The following DOCK3 variants were observed in gnomAD, a reference collection of about 807,000 sequenced individuals.
DOCK3 encodes dedicator of cytokinesis 3.
A neutral mutation model predicts 265.6 loss-of-function variants in DOCK3; 60 were observed. The ratio of observed to expected loss-of-function variants is 0.23; its 90% CI spans 0.18 to 0.28. The LOEUF is 0.28. DOCK3 is among the 10% of genes least tolerant of loss of function. The probability of loss-of-function intolerance (pLI) is 1.00; values close to 1 mark genes in which losing one functional copy is unlikely to be tolerated. For missense variants in DOCK3, 1,981 were observed against 2,594.3 expected (o/e 0.76, Z 5.14); for synonymous variants, 881 against 938.0 (o/e 0.94, Z 1.11).
chr3:51,328,829 A>C (rs1005806729), intron 32 of DOCK3, among the ~76,000 whole-genome samples: 2 of 152,214 alleles, frequency 1.3e-5, no homozygotes, highest in African/African-American at 4.8e-5. Context: ...ATATGAAATA[A>C]TAAATAATAT....
chr3:50,906,358 C>G (rs2049499054), intron 4 of DOCK3, among the ~76,000 whole-genome samples: 1 of 151,930 alleles, frequency 6.6e-6, no homozygotes, highest in Non-Finnish European at 1.5e-5. Flanking sequence ...CTCCTTGTAC[C>G]TCTGGTCAAA....
intron 2 of DOCK3, among the ~76,000 whole-genome samples, chr3:50,779,092 T>C (rs575582694): frequency 2.0e-4 from 31 of 152,252 alleles, no homozygotes; most frequent in African/African-American, 6.5e-4. Flanking sequence ...GCATTTACCT[T>C]TTTTTGTGTT....
rs551363818 is a variant in DOCK3, at chr3:51,345,432, G to A, written c.3916-3420G>A. 1.9e-4 allele frequency among the ~76,000 whole-genome samples: 29 copies of A among 152,226 alleles called. 1 individual carries two copies. In the South Asian group the frequency reaches 5.2e-3, roughly 27 times the overall value. On this transcript the variant is annotated intron_variant, in intron 38 of 52. Coordinates refer to ENST00000266037, the MANE Select transcript of DOCK3 (RefSeq NM_004947.5). ...TTGAGACCAGCCGAGGTAACATAGC[G>A]AGACCCCATCTCTATAAAATATTTT... is the stretch of plus-strand genomic sequence containing the variant.
chr3:51,355,974 CT>C, intron 41 of DOCK3, 114 bp from the exon 42 acceptor site: 6 of 1,320,674 alleles, frequency 4.5e-6, no homozygotes, highest in Non-Finnish European at 6.3e-6. Context: ...CCCTACTGGG[CT>C]GTCAGTAAGG....
intron 32 of DOCK3, among the ~76,000 whole-genome samples, chr3:51,328,567 C>G (rs948967400): frequency 2.0e-5 from 3 of 150,626 alleles, no homozygotes; most frequent in African/African-American, 7.3e-5. Flanking sequence ...TCAAGCAACT[C>G]ACTCATCCCT....
rs560879643 is a variant in DOCK3 at position 50,894,260 on chromosome 3, C to T, written c.218+4179C>T. Among the ~76,000 whole-genome samples, 21 of 152,114 alleles carry T rather than the reference C, an allele frequency of 1.4e-4. No homozygotes were observed. The South Asian group carries it at 3.9e-3, about 29-fold the overall frequency. Reference sequence around the variant, plus strand: ...ATATAAGAGAGCCTCCATAAATCTGCTATCAGCAGATTTCTCCGCCAAAAC... The same window carrying T: ...ATATAAGAGAGCCTCCATAAATCTGTTATCAGCAGATTTCTCCGCCAAAAC... On this transcript the variant is annotated intron_variant, in intron 4 of 52. Transcript: ENST00000266037.
intron 3 of DOCK3, among the ~76,000 whole-genome samples, chr3:50,883,010 T>C (rs1440714393): frequency 6.6e-6 from 1 of 152,026 alleles, no homozygotes; most frequent in African/African-American, 2.4e-5. Context: ...AGCAAACTAT[T>C]GCAAGGACAG....
At chr3:50,997,587 A>G (rs1260355464) in intron 5 of DOCK3, among the ~76,000 whole-genome samples, 1 of 152,218 alleles carries the variant, frequency 6.6e-6, no homozygotes. Context: ...AGAAAGAAAT[A>G]CACTAAAATG....
intron 7 of DOCK3, among the ~76,000 whole-genome samples, chr3:51,081,578 T>C (rs1032518438): frequency 6.6e-6 from 1 of 152,124 alleles, no homozygotes; most frequent in Non-Finnish European, 1.5e-5. Context: ...AGATGATGAA[T>C]ACACAGATAT....
rs754304384 is a variant in DOCK3, at chr3:51,146,554, G to A, written c.752G>A (p.Arg251Gln). The change falls in exon 10 of 53, where the codon CGG (arginine) becomes CAG (glutamine). Residue 251 changes from arginine (R) to glutamine (Q), a missense_variant. Physicochemically the swap from Arg to Gln is conservative, Grantham distance 43 (BLOSUM62 1). Around this residue, in one of 4 missense-constraint regions of DOCK3, gnomAD observed 456 missense variants for 539.0 expected, o/e 0.85. Coordinates refer to ENST00000266037, the MANE Select transcript of DOCK3 (RefSeq NM_004947.5). ...DMREGKQISE[R>Q]FLVRLNKNGG... ...CTTTCTTTCCTACATTTCAGTGAGC[G>A]GTTTCTGGTAAGACTGAACAAGAAT... 4 of 1,592,956 alleles carry A rather than the reference G, an allele frequency of 2.5e-6. No individual in the cohort carries two copies. The highest frequency in any genetic ancestry group is 3.4e-6 in the Non-Finnish European group (4 of 1,169,046).
chr3:50,936,874 A>G (rs1204465889), intron 5 of DOCK3, among the ~76,000 whole-genome samples: 2 of 152,236 alleles, frequency 1.3e-5, no homozygotes, highest in Non-Finnish European at 2.9e-5. Flanking sequence ...GAAGAAAGCA[A>G]TGGAAAGGGT....
At chr3:51,046,527 TA>T (rs1323239164) in intron 5 of DOCK3, among the ~76,000 whole-genome samples, 4 of 152,164 alleles carry the variant, frequency 2.6e-5, no homozygotes, top group Non-Finnish European at 5.9e-5. Flanking sequence ...TGAATCAATT[TA>T]ACAGGAAGAT....
chr3:50,758,193 AAAAG>A lies in DOCK3; in HGVS notation c.38-20478_38-20475del, dbSNP rs1160431108. Among the ~76,000 whole-genome samples, 118 of 121,472 alleles carry A rather than the reference AAAAG, an allele frequency of 9.7e-4. 5 individuals carry two copies. Among genetic ancestry groups the A allele is most frequent in the African/African-American group, 1.5e-3 (53 of 36,462 alleles). 79.7% of individuals were successfully genotyped at this position (121,472 alleles called of 152,430 possible). ...ACTCTGTCTCAAAAAAAAAAAAAAAAAAAGAAAAAAAAAAAGAAAATTAATTGGA... is the reference window on the plus strand; with the variant it reads ...ACTCTGTCTCAAAAAAAAAAAAAAAAAAAAAAAAAAAGAAAATTAATTGGA... On this transcript the variant is annotated intron_variant, in intron 1 of 52. Coordinates refer to ENST00000266037, the MANE Select transcript of DOCK3 (RefSeq NM_004947.5).
chr3:51,299,218 T>C (rs2082253806), intron 27 of DOCK3, among the ~76,000 whole-genome samples: 1 of 152,250 alleles, frequency 6.6e-6, no homozygotes, highest in South Asian at 2.1e-4. Context: ...GTAAGTGTCT[T>C]CTTTTGAGAA....
chr3:50,886,411 T>A (rs936603839), intron 3 of DOCK3, among the ~76,000 whole-genome samples: 6 of 151,868 alleles, frequency 4.0e-5, no homozygotes, highest in Admixed American at 6.6e-5. Flanking sequence ...TTTTAAAAAA[T>A]TTTATTATTA....
At chr3:50,705,530 C>T (rs774553192) in intron 1 of DOCK3, among the ~76,000 whole-genome samples, 2 of 152,178 alleles carry the variant, frequency 1.3e-5, no homozygotes, top group Non-Finnish European at 2.9e-5. Flanking sequence ...GTTCTCCTGC[C>T]TCAGCCTCCC....
chr3:51,016,807 TTATA>T (rs1308196237), intron 5 of DOCK3, among the ~76,000 whole-genome samples: 4 of 22,596 alleles, frequency 1.8e-4, no homozygotes, highest in Admixed American at 6.4e-4. Context: ...TGATATATGT[TTATA>T]TATATCATAT....
chr3:51,359,648 A>C lies in DOCK3; in HGVS notation c.4885-863A>C, dbSNP rs1223153809. ...GGAGGTTCTCTGCCATGTGGGTTGC[A>C]GCAAAAAGCACAAAACACTTTCCTA... On this transcript the variant is annotated intron_variant, in intron 46 of 52. Transcript: ENST00000266037. The surrounding 1 kb of genome is among the most constrained non-coding windows in gnomAD (Gnocchi z 4.8). Among the ~76,000 whole-genome samples the C allele has an allele frequency of 6.6e-6, 1 of 152,224 alleles. No individual in the cohort carries two copies. Among genetic ancestry groups the C allele is most frequent in the Non-Finnish European group, 1.5e-5 (1 of 68,044 alleles).
intron 5 of DOCK3, among the ~76,000 whole-genome samples, chr3:50,980,527 G>A (rs1303116267): frequency 6.6e-6 from 1 of 152,146 alleles, no homozygotes; most frequent in Middle Eastern, 3.2e-3. Context: ...AGTTTGAGAA[G>A]AACTGGTGTT....
Sources: gnomAD v4.1 joint callset for allele counts (sites outside exome capture counted in the v4.1 genomes callset) on GRCh38, gnomAD v4.1.1 for gene constraint, gnomAD v4.1.1 regional missense constraint, Gnocchi (gnomAD v3.1) non-coding constraint, MANE v1.5 for transcripts, NCBI Gene and HGNC (gene_info 2026-07-23, HGNC 2026-07-21) for gene names.